PIEZO1: variants seen among roughly 807,000 people sequenced by gnomAD.
PIEZO1 encodes piezo type mechanosensitive ion channel component 1 (Er blood group), also known as piezo-type mechanosensitive ion channel component 1.
A neutral mutation model predicts 297.2 loss-of-function variants in PIEZO1; 296 were observed. That is an observed-to-expected ratio of 1.00 (90% CI 0.91 to 1.10). The LOEUF (loss-of-function observed/expected upper bound fraction) is 1.10, where lower values mean the gene tolerates loss of function less well. PIEZO1 is among the 50% of genes least tolerant of loss of function. The pLI is 0.00. For synonymous variants in PIEZO1, 2,427 were observed against 1,507.5 expected, an observed-to-expected ratio of 1.61 and a Z score of -14.13; for missense variants, 5,018 against 3,455.5, an observed-to-expected ratio of 1.45 and a Z score of -11.34.
chr16:88,730,308 G>C (rs186269707), intron 22 of PIEZO1, among the ~76,000 whole-genome samples: 1 of 152,202 alleles, frequency 6.6e-6, no homozygotes, highest in Non-Finnish European at 1.5e-5. Context: ...AAAACAAGAC[G>C]GGGCCGGGCG....
chr16:88,731,811 G>A lies in PIEZO1; in HGVS notation c.3091C>T (p.Arg1031Cys), dbSNP rs1904832188. ...WLVAILTRRH[R>C]QAIARLWPNY... ...GGCCAGAGGCGGGCAATGGCCTGGCGGTGCCTGCGGGTGAGGATGGCCACC... is the reference window on the plus strand; with the variant it reads ...GGCCAGAGGCGGGCAATGGCCTGGCAGTGCCTGCGGGTGAGGATGGCCACC... The change falls in exon 22 of 51, where the codon CGC becomes TGC. Residue 1031 changes from arginine (R) to cysteine (C), a missense_variant. Physicochemically the swap from Arg to Cys is radical, Grantham distance 180. Coordinates refer to ENST00000301015, the MANE Select transcript of PIEZO1 (RefSeq NM_001142864.4). The A allele has an allele frequency of 9.3e-6, 14 of 1,508,340 alleles. No individual in the cohort carries two copies. The highest frequency in any genetic ancestry group is 1.2e-5 in the South Asian group (1 of 83,198). The allele number at this position is 1,508,340 out of a possible 1,614,324, so 93.4% of individuals were successfully genotyped here.
At chr16:88,780,689 G>A (rs186283760) in intron 1 of PIEZO1, among the ~76,000 whole-genome samples, 7 of 152,348 alleles carry the variant, frequency 4.6e-5, no homozygotes, top group East Asian at 1.9e-4. Context: ...AGCCGGGCGC[G>A]GTGGCTCATG....
At chr16:88,779,596 G>C (rs550658677) in intron 1 of PIEZO1, among the ~76,000 whole-genome samples, 1 of 152,192 alleles carries the variant, frequency 6.6e-6, no homozygotes, top group Non-Finnish European at 1.5e-5. Context: ...CAGGACCGGC[G>C]TGAGAGGATG....
intron 1 of PIEZO1, among the ~76,000 whole-genome samples, chr16:88,750,596 G>A (rs1452360453): frequency 6.6e-6 from 1 of 152,198 alleles, no homozygotes; most frequent in Non-Finnish European, 1.5e-5. Context: ...TCCCACCCGG[G>A]GTCTCCCTGG....
chr16:88,749,051 C>CAAA (rs1567683015), intron 2 of PIEZO1, among the ~76,000 whole-genome samples: 1 of 150,054 alleles, frequency 6.7e-6, no homozygotes, highest in South Asian at 2.1e-4. Context: ...TCCTGGCTAT[C>CAAA]ACGGTGAAAC....
Position 88,734,384 on chromosome 16 carries a change from C to T in PIEZO1, c.2152G>A (p.Gly718Ser), listed in dbSNP as rs755885744. 3.4e-5 allele frequency: 52 copies of T among 1,545,506 alleles called. No homozygotes were observed. Among genetic ancestry groups the T allele is most frequent in the Non-Finnish European group, 4.1e-5 (47 of 1,144,298 alleles). ...LTDMEHVSLPGTRLPRWAHRQ... is the reference protein window; with the variant it reads ...LTDMEHVSLPSTRLPRWAHRQ... ...TGAGCCCAGCGCGGGAGGCGCGTGC[C>T]AGGCAGGGACACGTGCTCCATGTCG... The change falls in exon 16 of 51, where the codon GGC becomes AGC. Residue 718 changes from glycine to serine, a missense_variant. Gly to Ser is a moderately conservative substitution (Grantham distance 56, BLOSUM62 0). Transcript: ENST00000301015.
rs1218767965 is a variant in PIEZO1, at chr16:88,721,141, A to C, written c.5668+25T>G. On this transcript the variant is annotated intron_variant, in intron 39 of 50. Transcript: ENST00000301015. ...CCACTCAGAAAACTGGGTAGGCAGG[A>C]GGTTGTGAGGCAGGGCGCTTATACC... is the stretch of plus-strand genomic sequence containing the variant. 3 of 1,465,230 alleles carry C rather than the reference A, an allele frequency of 2.0e-6. 1 individual carries two copies. The South Asian group carries it at 4.0e-5, about 20-fold the overall frequency. 90.8% of individuals were successfully genotyped at this position (1,465,230 alleles called of 1,614,324 possible).
intron 1 of PIEZO1, among the ~76,000 whole-genome samples, chr16:88,751,642 T>C (rs1906395391): frequency 6.6e-6 from 1 of 150,898 alleles, no homozygotes; most frequent in South Asian, 2.1e-4. Flanking sequence ...TGCTTTTAAA[T>C]CTAAAGTTTT....
At chr16:88,743,893 G>A (rs181322426) in intron 2 of PIEZO1, 1 of 312,472 alleles carries the variant, frequency 3.2e-6, no homozygotes, top group African/African-American at 2.2e-5. Flanking sequence ...GCAGCAGGGA[G>A]AGTGGGAAGG....
intron 1 of PIEZO1, among the ~76,000 whole-genome samples, chr16:88,764,821 G>A (rs1012413395): frequency 1.4e-4 from 22 of 151,764 alleles, no homozygotes; most frequent in African/African-American, 5.3e-4. Flanking sequence ...CCAGCATCAT[G>A]CCGTGACCTC....
intron 2 of PIEZO1, among the ~76,000 whole-genome samples, chr16:88,749,053 C>T (rs549546344): frequency 2.6e-3 from 395 of 150,910 alleles, no homozygotes; most frequent in African/African-American, 4.2e-3. Flanking sequence ...CTGGCTATCA[C>T]GGTGAAACCC....
At chr16:88,774,356 A>G (rs879280400) in intron 1 of PIEZO1, among the ~76,000 whole-genome samples, 2 of 152,246 alleles carry the variant, frequency 1.3e-5, no homozygotes, top group Non-Finnish European at 2.9e-5. Context: ...GTGCCACTGC[A>G]CACCAGCTTG....
chr16:88,726,984 G>A (rs1904490903), intron 24 of PIEZO1, 26 bp from the exon 25 acceptor site: 1 of 1,549,232 alleles, frequency 6.5e-7, no homozygotes, highest in African/African-American at 1.4e-5. Context: ...GTCAGGGCGG[G>A]CGCCCCGGCC....
chr16:88,726,998 C>T, intron 24 of PIEZO1, 40 bp from the exon 25 acceptor site: 3 of 1,549,042 alleles, frequency 1.9e-6, no homozygotes, highest in Non-Finnish European at 2.6e-6. Context: ...CCCGGCCACC[C>T]CTCCCAGAAG....
Position 88,716,542 on chromosome 16 carries a change from C to CCAAGT in PIEZO1, c.6926+12_6926+16dup, listed in dbSNP as rs1912048305. ...TGGGTCCACCCACCCAGGCACTGCC[C>CCAAGT]CAAGTCCAGGACGAACCTCTGGAAG... On this transcript the variant is annotated intron_variant, in intron 47 of 50. Transcript: ENST00000301015. 4 of 1,538,552 alleles carry CCAAGT rather than the reference C, an allele frequency of 2.6e-6. No homozygotes were observed. The African/African-American group carries it at 5.5e-5, about 21-fold the overall frequency.
At position 88,725,444 on chromosome 16, in the gene PIEZO1, C is replaced by G; in HGVS notation, c.4134G>C (p.Leu1378=). Residue 1378 remains leucine (L), a synonymous_variant, in exon 29 of 51, where the codon CTG becomes CTC. Coordinates refer to ENST00000301015, the MANE Select transcript of PIEZO1 (RefSeq NM_001142864.4). Reference sequence around the variant, plus strand: ...GCTCCAGGCCGGGGTCCTTGGGGCCCAGGGTGTCCTGGGGGCGACTGCGGT... The same window carrying G: ...GCTCCAGGCCGGGGTCCTTGGGGCCGAGGGTGTCCTGGGGGCGACTGCGGT... The part of the protein sequence containing the change: ...RVDRSRPQDT[L]GPKDPGLEPG... 6.7e-7 allele frequency: 1 copy of G among 1,482,270 alleles called. No individual in the cohort carries two copies. The highest frequency in any genetic ancestry group is 9.0e-7 in the Non-Finnish European group (1 of 1,113,854). 91.8% of individuals were successfully genotyped at this position (1,482,270 alleles called of 1,614,324 possible). A position where few individuals can be genotyped will look rare whatever the true frequency, so the allele number is the denominator to read the frequency against.
chr16:88,760,817 G>A (rs1460950803), intron 1 of PIEZO1, among the ~76,000 whole-genome samples: 1 of 152,260 alleles, frequency 6.6e-6, no homozygotes, highest in Non-Finnish European at 1.5e-5. Context: ...CTTGGAGCCC[G>A]GCCAGCAGCC....
At position 88,723,902 on chromosome 16, in the gene PIEZO1, T is replaced by G. The variant is rs1222107007; in HGVS notation, c.4304A>C (p.Asp1435Ala). The change falls in exon 31 of 51, where the codon GAC becomes GCC. Residue 1435 changes from aspartate to alanine, a missense_variant. Physicochemically the swap from Asp to Ala is moderately radical, Grantham distance 126. Transcript: ENST00000301015. ...SEEEEEAVPE[D>A]PRPSAQSAFQ... ...GGCACTCTGTGCCGACGGCCTCGGGTCTTCAGGAACAGCCTCCTCCTCTTC... is the reference window on the plus strand; with the variant it reads ...GGCACTCTGTGCCGACGGCCTCGGGGCTTCAGGAACAGCCTCCTCCTCTTC... The G allele has an allele frequency of 1.9e-6, 3 of 1,548,928 alleles. No individual in the cohort carries two copies. The highest frequency in any genetic ancestry group is 2.7e-5 in the African/African-American group (2 of 73,140).
Position 88,722,564 on chromosome 16 carries a change from G to C in PIEZO1, c.4775+19C>G. The C allele has an allele frequency of 1.3e-6, 2 of 1,488,314 alleles. No homozygotes were observed. The highest frequency in any genetic ancestry group is 1.8e-6 in the Non-Finnish European group (2 of 1,113,058). 92.2% of individuals were successfully genotyped at this position (1,488,314 alleles called of 1,614,324 possible). A position where few individuals can be genotyped will look rare whatever the true frequency, so the allele number is the denominator to read the frequency against. ...ACACCAGGGGCAGCAGCTGGGGCTC[G>C]GGTCACCCCCGCACCTACCTGGACA... is the stretch of plus-strand genomic sequence containing the variant. On this transcript the variant is annotated intron_variant, in intron 35 of 50. Coordinates refer to ENST00000301015, the MANE Select transcript of PIEZO1 (RefSeq NM_001142864.4).
Sources: allele counts gnomAD v4.1 joint callset (sites outside exome capture counted in the v4.1 genomes callset), GRCh38; gene constraint gnomAD v4.1.1; transcripts MANE v1.5; gene names NCBI Gene and HGNC (gene_info 2026-07-23, HGNC 2026-07-21).